The following GRM7 variants were observed in gnomAD, a reference collection of about 807,000 sequenced individuals.
GRM7 encodes metabotropic glutamate receptor 7.
A neutral mutation model predicts 84.5 loss-of-function variants in GRM7; 35 were observed. The ratio of observed to expected loss-of-function variants is 0.41; its 90% confidence interval spans 0.32 to 0.55. The LOEUF is 0.55. Among genes scored for constraint, GRM7 ranks in the 20% least tolerant of loss-of-function variants. The pLI is 0.19. For synonymous variants in GRM7, 487 were observed against 455.1 expected, an observed-to-expected ratio of 1.07 and a Z score of -0.89; for missense variants, 1,003 against 1,194.6, an observed-to-expected ratio of 0.84 and a Z score of 2.36.
chr3:7,538,118 T>C (rs945217978), intron 7 of GRM7, among the ~76,000 whole-genome samples: 1 of 152,312 alleles, frequency 6.6e-6, no homozygotes, highest in East Asian at 1.9e-4. Context: ...ATTTTTATTA[T>C]TATTTTTTGA....
chr3:7,077,090 T>C (rs1698113266), intron 1 of GRM7, among the ~76,000 whole-genome samples: 2 of 152,294 alleles, frequency 1.3e-5, no homozygotes, highest in East Asian at 1.9e-4. Context: ...CTGGAGAGTC[T>C]GTGGAGAAAT....
intron 4 of GRM7, among the ~76,000 whole-genome samples, chr3:7,321,556 T>A (rs372258469): frequency 3.0e-4 from 45 of 152,136 alleles, no homozygotes; most frequent in African/African-American, 1.0e-3. Flanking sequence ...AAAATTTATC[T>A]TTTTCTATTT....
At chr3:7,118,545 A>T (rs772931231) in intron 1 of GRM7, among the ~76,000 whole-genome samples, 1 of 151,124 alleles carries the variant, frequency 6.6e-6, no homozygotes, top group Non-Finnish European at 1.5e-5. Flanking sequence ...TGCTGTTGAT[A>T]TAGCATAAAG....
chr3:7,352,610 G>A (rs2875269), intron 4 of GRM7, among the ~76,000 whole-genome samples: 21,189 of 152,014 alleles, frequency 0.14, 1,910 homozygotes, highest in African/African-American at 0.26. Flanking sequence ...CGTTTCTACT[G>A]TTAAAGAGAG....
intron 2 of GRM7, among the ~76,000 whole-genome samples, chr3:7,249,761 T>A (rs1697909692): frequency 6.6e-6 from 1 of 152,154 alleles, no homozygotes. Context: ...ACAATATAGA[T>A]ATAGCTGCAT....
intron 2 of GRM7, among the ~76,000 whole-genome samples, chr3:7,277,482 T>A (rs1186759455): frequency 6.6e-6 from 1 of 152,072 alleles, no homozygotes; most frequent in East Asian, 1.9e-4. Flanking sequence ...GCTACCACTT[T>A]TTTATCACTG....
chr3:6,957,719 A>G (rs1693117692), intron 1 of GRM7, among the ~76,000 whole-genome samples: 1 of 152,176 alleles, frequency 6.6e-6, no homozygotes, highest in African/African-American at 2.4e-5. Flanking sequence ...ATTGTCCAAG[A>G]TATTTACCAG....
chr3:7,556,453 C>T (rs922042835), intron 7 of GRM7, among the ~76,000 whole-genome samples: 1 of 152,016 alleles, frequency 6.6e-6, no homozygotes, highest in Non-Finnish European at 1.5e-5. Context: ...TTTTGCAGTG[C>T]CCAAAAAATT....
chr3:7,315,926 T>C (rs188068163), intron 4 of GRM7, among the ~76,000 whole-genome samples: 2 of 152,034 alleles, frequency 1.3e-5, no homozygotes, highest in Non-Finnish European at 2.9e-5. Flanking sequence ...ACAAGTGCTA[T>C]AAAGTAAGAA....
rs946282352 is a variant in GRM7 at position 7,740,505 on chromosome 3, C to T, written c.*99C>T. The stretch of plus-strand genomic sequence containing the variant: ...TTTGGTCCTACCCGCTTCCCATCAC[C>T]GGAGGAGCTTCCCCGGCCGGGAGAC... On this transcript the variant is annotated 3_prime_UTR_variant, in exon 10 of 10. Coordinates refer to ENST00000357716, the MANE Select transcript of GRM7 (RefSeq NM_000844.4). 17 of 639,106 alleles carry T rather than the reference C, an allele frequency of 2.7e-5. No individual in the cohort carries two copies. The highest frequency in any genetic ancestry group is 4.0e-5 in the Non-Finnish European group (15 of 378,216). 39.6% of individuals were successfully genotyped at this position (639,106 alleles called of 1,614,324 possible). A position where few individuals can be genotyped will look rare whatever the true frequency, so the allele number is the denominator to read the frequency against.
chr3:7,148,230 A>G (rs975795537), intron 2 of GRM7, among the ~76,000 whole-genome samples: 4 of 152,160 alleles, frequency 2.6e-5, no homozygotes, highest in East Asian at 1.9e-4. Context: ...GTTTTTCTGA[A>G]TCCTGCCTTG....
At position 7,715,027 on chromosome 3, in the gene GRM7, C is replaced by G. The variant is rs566071923; in HGVS notation, c.2699-25330C>G. Among the ~76,000 whole-genome samples, 7 of 152,328 alleles carry G rather than the reference C, an allele frequency of 4.6e-5. No homozygotes were observed. The South Asian group carries it at 1.2e-3, about 27-fold the overall frequency. On this transcript the variant is annotated intron_variant, in intron 9 of 9. Coordinates refer to ENST00000357716, the MANE Select transcript of GRM7 (RefSeq NM_000844.4). ...ATGGCATTCAAGGCTCTTGCAGGAA[C>G]ATAGACATGCCTTCGATTTGGGAGA...
chr3:7,419,555 CA>C (rs1329353104), intron 5 of GRM7, among the ~76,000 whole-genome samples: 1 of 152,112 alleles, frequency 6.6e-6, no homozygotes, highest in African/African-American at 2.4e-5. Context: ...TCTTAGCTCC[CA>C]AATGCATTTT....
intron 2 of GRM7, among the ~76,000 whole-genome samples, chr3:7,201,223 C>T (rs1696060138): frequency 6.6e-6 from 1 of 151,970 alleles, no homozygotes. Context: ...CCCGCCTCGG[C>T]CTCCCAAACA....
intron 8 of GRM7, among the ~76,000 whole-genome samples, chr3:7,614,400 C>T (rs1696986464): frequency 1.3e-5 from 2 of 152,184 alleles, no homozygotes; most frequent in Admixed American, 6.6e-5. Flanking sequence ...GAGAAGAATG[C>T]ACGTGCAAGG....
intron 2 of GRM7, among the ~76,000 whole-genome samples, chr3:7,243,727 A>G (rs191970204): frequency 1.5e-4 from 23 of 152,272 alleles, no homozygotes; most frequent in Admixed American, 1.2e-3. Flanking sequence ...ACACATCATT[A>G]GACAATTTCA....
intron 2 of GRM7, among the ~76,000 whole-genome samples, chr3:7,220,723 C>G (rs919023249): frequency 2.6e-5 from 4 of 152,174 alleles, no homozygotes; most frequent in Non-Finnish European, 5.9e-5. Context: ...GTAGGGGAGA[C>G]TGGGTGGTGT....
chr3:7,544,914 A>C (rs1391901624), intron 7 of GRM7, among the ~76,000 whole-genome samples: 1 of 152,202 alleles, frequency 6.6e-6, no homozygotes, highest in African/African-American at 2.4e-5. Flanking sequence ...TCTAAAATCA[A>C]TTTTTGCCCC....
At chr3:7,583,430 A>G (rs1276884201) in intron 8 of GRM7, among the ~76,000 whole-genome samples, 3 of 152,222 alleles carry the variant, frequency 2.0e-5, no homozygotes, top group Admixed American at 6.5e-5. Context: ...TCACTAATCA[A>G]TTATGACACA....
Sources: gnomAD v4.1 joint callset for allele counts (sites outside exome capture counted in the v4.1 genomes callset) on GRCh38, gnomAD v4.1.1 for gene constraint, MANE v1.5 for transcripts, NCBI Gene and HGNC (gene_info 2026-07-23, HGNC 2026-07-21) for gene names.